Variants in PPP2R5A observed in about 807,000 individuals in gnomAD.
PPP2R5A encodes the protein serine/threonine-protein phosphatase 2A 56 kDa regulatory subunit alpha isoform.
In PPP2R5A, 25 loss-of-function variants were observed where a neutral mutation model predicts 64.2. The observed-to-expected ratio is 0.39, with a 90% CI of 0.28 to 0.54. PPP2R5A has a LOEUF of 0.54. Ranked by LOEUF, PPP2R5A falls within the 20% of genes least tolerant of loss-of-function variation. The pLI is 0.67. For synonymous variants in PPP2R5A, 198 were observed against 201.2 expected, an observed-to-expected ratio of 0.98 and a Z score of 0.13; for missense variants, 425 against 576.3, an observed-to-expected ratio of 0.74 and a Z score of 2.69.
intron 4 of PPP2R5A, among the ~76,000 whole-genome samples, chr1:212,345,545 T>C (rs1048390247): frequency 2.2e-4 from 33 of 152,180 alleles, no homozygotes; most frequent in African/African-American, 7.7e-4. Flanking sequence ...TTAAAATCAG[T>C]GGGAAGGTAA....
At chr1:212,337,352 T>C (rs1048726555) in intron 3 of PPP2R5A, among the ~76,000 whole-genome samples, 4 of 152,162 alleles carry the variant, frequency 2.6e-5, no homozygotes, top group Non-Finnish European at 4.4e-5. Context: ...TTAATTACTT[T>C]AGTGGCACAG....
chr1:212,321,296 G>A (rs1163426092), intron 1 of PPP2R5A, among the ~76,000 whole-genome samples: 1 of 147,126 alleles, frequency 6.8e-6, no homozygotes, highest in Non-Finnish European at 1.5e-5. Flanking sequence ...CCTCCCGGAC[G>A]GGGCGGCTGG....
Position 212,337,528 on chromosome 1 carries a change from T to C in PPP2R5A, c.480+3930T>C, listed in dbSNP as rs527693017. Among the ~76,000 whole-genome samples, 182 of 152,248 alleles carry C rather than the reference T, an allele frequency of 1.2e-3. 1 individual carries two copies. The highest frequency in any genetic ancestry group is 1.8e-3 in the Non-Finnish European group (121 of 67,960). On this transcript the variant is annotated intron_variant, in intron 3 of 12. Coordinates refer to ENST00000261461, the MANE Select transcript of PPP2R5A (RefSeq NM_006243.4). ...GTACACCTTTACATTCAAATAACTC[T>C]TGGCCATATACTATATTTTAAATAT...
At chr1:212,341,821 C>T (rs935935093) in intron 3 of PPP2R5A, among the ~76,000 whole-genome samples, 2 of 152,074 alleles carry the variant, frequency 1.3e-5, no homozygotes, top group African/African-American at 2.4e-5. Context: ...CTAACTGCAG[C>T]CTTGACCTCC....
At chr1:212,333,689 T>G in intron 3 of PPP2R5A, 91 bp downstream of exon 3, 3 of 689,480 alleles carry the variant, frequency 4.4e-6, no homozygotes, top group Non-Finnish European at 6.6e-6. Context: ...AGTGTCTGTG[T>G]AAAATATTTG....
At chr1:212,296,203 A>G (rs1489146345) in intron 1 of PPP2R5A, among the ~76,000 whole-genome samples, 1 of 152,108 alleles carries the variant, frequency 6.6e-6, no homozygotes, top group Admixed American at 6.5e-5. Flanking sequence ...AATGTGTCCC[A>G]CCACCGAGAA....
intron 12 of PPP2R5A, 95 bp from the exon 13 acceptor site, chr1:212,360,543 G>A: frequency 1.8e-6 from 2 of 1,082,236 alleles, no homozygotes; most frequent in African/African-American, 1.6e-5. Context: ...AGTGAAATGT[G>A]GGTAAGTAAT....
rs751228809 is a variant in PPP2R5A, at chr1:212,316,587, C to CTTTTTTTT, written c.182-12529_182-12522dup. On this transcript the variant is annotated intron_variant, in intron 1 of 12. Transcript: ENST00000261461. Reference sequence around the variant, plus strand: ...ATGGATATTTAACCTTTGTGGGTGACTTTTTTTTTTTTTTTTTTTTTTTTT... The same window carrying CTTTTTTTT: ...ATGGATATTTAACCTTTGTGGGTGACTTTTTTTTTTTTTTTTTTTTTTTTTTTTTTTTT... Among the ~76,000 whole-genome samples, 71 of 36,684 alleles carry CTTTTTTTT rather than the reference C, an allele frequency of 1.9e-3. 6 individuals are homozygous for CTTTTTTTT. The highest frequency in any genetic ancestry group is 3.0e-3 in the Non-Finnish European group (55 of 18,560). The allele number at this position is 36,684 out of a possible 152,430, so 24.1% of individuals were successfully genotyped here.
At chr1:212,317,072 G>A (rs1031988777) in intron 1 of PPP2R5A, among the ~76,000 whole-genome samples, 2 of 152,116 alleles carry the variant, frequency 1.3e-5, no homozygotes, top group Non-Finnish European at 2.9e-5. Context: ...CTGAAGTTCT[G>A]TAGGACCCTT....
rs1426182911 is a variant in PPP2R5A, at chr1:212,309,474, G to A, written c.182-19661G>A. On this transcript the variant is annotated intron_variant, in intron 1 of 12. Coordinates refer to ENST00000261461, the MANE Select transcript of PPP2R5A (RefSeq NM_006243.4). The stretch of plus-strand genomic sequence containing the variant: ...CCTTTAAAGCCTTCGCTTTGTCTTC[G>A]GCTTTAGAAGGGGCAGGAGCTTCCT... The A allele has an allele frequency of 5.1e-5, 42 of 828,440 alleles. No individual in the cohort carries two copies. The East Asian group carries it at 5.8e-4, about 11-fold the overall frequency. The allele number at this position is 828,440 out of a possible 1,614,324, so 51.3% of individuals were successfully genotyped here. A position where few individuals can be genotyped will look rare whatever the true frequency, so the allele number is the denominator to read the frequency against.
intron 1 of PPP2R5A, among the ~76,000 whole-genome samples, chr1:212,323,258 T>G (rs1320303040): frequency 4.6e-5 from 7 of 152,250 alleles, no homozygotes; most frequent in Non-Finnish European, 8.8e-5. Flanking sequence ...GTATCTGGCC[T>G]TCTCAACTTG....
Position 212,357,419 on chromosome 1 carries a change from AT to A in PPP2R5A, c.1226+137del, listed in dbSNP as rs933146119. 4 of 802,242 alleles carry A rather than the reference AT, an allele frequency of 5.0e-6. No individual in the cohort carries two copies. The African/African-American group carries it at 7.2e-5, about 15-fold the overall frequency. 49.7% of individuals were successfully genotyped at this position (802,242 alleles called of 1,614,324 possible). Reference sequence around the variant, plus strand: ...CCAAGGTTAACATCAGTTGTATTCTATTCTGTATTTTATATACGTATACCTT... The same window carrying A: ...CCAAGGTTAACATCAGTTGTATTCTATCTGTATTTTATATACGTATACCTT... On this transcript the variant is annotated intron_variant, in intron 11 of 12. Transcript: ENST00000261461.
chr1:212,312,096 T>A (rs1055370942), intron 1 of PPP2R5A, among the ~76,000 whole-genome samples: 4 of 152,222 alleles, frequency 2.6e-5, no homozygotes, highest in South Asian at 2.1e-4. Flanking sequence ...GTGCCATTTT[T>A]AAATCTTTTA....
chr1:212,290,223 G>A (rs1414948722), intron 1 of PPP2R5A, among the ~76,000 whole-genome samples: 1 of 152,194 alleles, frequency 6.6e-6, no homozygotes, highest in African/African-American at 2.4e-5. Flanking sequence ...GGGGAAAAAT[G>A]TGTGTGTTTT....
intron 11 of PPP2R5A, 144 bp downstream of exon 11, chr1:212,357,428 T>A (rs983796780): frequency 2.1e-5 from 14 of 680,762 alleles, no homozygotes; most frequent in Admixed American, 1.1e-4. Flanking sequence ...TATTCTGTAT[T>A]TTATATACGT....
At chr1:212,305,261 C>A (rs555644937) in intron 1 of PPP2R5A, among the ~76,000 whole-genome samples, 120 of 152,018 alleles carry the variant, frequency 7.9e-4, no homozygotes, top group Middle Eastern at 3.4e-3. Flanking sequence ...TGGTCTCTAT[C>A]TCCTGACCTT....
rs1320283972 is a variant in PPP2R5A at position 212,321,672 on chromosome 1, C to T, written c.182-7463C>T. ...GCTCCTCACTTCCTAGATGGGATGG[C>T]GGCCGGGCAGAGACACTCCTCACTT... On this transcript the variant is annotated intron_variant, in intron 1 of 12. Transcript: ENST00000261461. Among the ~76,000 whole-genome samples, 7 of 146,066 alleles carry T rather than the reference C, an allele frequency of 4.8e-5. 1 individual carries two copies. The highest frequency in any genetic ancestry group is 2.1e-4 in the South Asian group (1 of 4,782).
rs184189852 is a variant in PPP2R5A, at chr1:212,360,167, G to A, written c.1329-471G>A. Among the ~76,000 whole-genome samples the A allele has an allele frequency of 5.3e-5, 8 of 152,302 alleles. No individual in the cohort carries two copies. The East Asian group carries it at 1.5e-3, about 29-fold the overall frequency. Reference sequence around the variant, plus strand: ...AGTTTTCATTTGACATGTAAAAGAGGAGCTAGTAAGATACAAACTGGTTAG... The same window carrying A: ...AGTTTTCATTTGACATGTAAAAGAGAAGCTAGTAAGATACAAACTGGTTAG... On this transcript the variant is annotated intron_variant, in intron 12 of 12. Coordinates refer to ENST00000261461, the MANE Select transcript of PPP2R5A (RefSeq NM_006243.4).
intron 8 of PPP2R5A, chr1:212,352,669 C>A (rs1377709474): frequency 7.2e-6 from 3 of 415,540 alleles, no homozygotes; most frequent in African/African-American, 6.3e-5. Flanking sequence ...GATGCCCAGG[C>A]TGGTATTGAT....
Sources: allele counts gnomAD v4.1 joint callset (sites outside exome capture counted in the v4.1 genomes callset), GRCh38; gene constraint gnomAD v4.1.1; transcripts MANE v1.5; gene names NCBI Gene and HGNC (gene_info 2026-07-23, HGNC 2026-07-21).